The following C8orf34 variants were observed in gnomAD, a reference collection of about 807,000 sequenced individuals.
C8orf34 encodes the protein uncharacterized protein C8orf34.
Under a neutral mutation model 68.3 loss-of-function variants are expected in C8orf34, and 65 were observed. The ratio of observed to expected loss-of-function variants is 0.95; its 90% CI spans 0.78 to 1.17. The LOEUF is 1.17. C8orf34 is among the 50% of genes most tolerant of loss of function. The probability of loss-of-function intolerance (pLI) is 0.00; values close to 1 mark genes in which losing one functional copy is unlikely to be tolerated. For synonymous variants in C8orf34, 244 were observed against 241.2 expected (o/e 1.01, Z -0.11); for missense variants, 664 against 655.4 (o/e 1.01, Z -0.14).
chr8:68,448,243 G>A (rs968738448), intron 3 of C8orf34, among the ~76,000 whole-genome samples: 14 of 152,204 alleles, frequency 9.2e-5, no homozygotes, highest in African/African-American at 3.4e-4. Context: ...GTGGTCTGGA[G>A]TCTGAATATA....
At chr8:68,333,321 G>T (rs1805711397) in intron 1 of C8orf34, among the ~76,000 whole-genome samples, 1 of 152,138 alleles carries the variant, frequency 6.6e-6, no homozygotes, top group Non-Finnish European at 1.5e-5. Context: ...GCACCACCAT[G>T]CTTCGTATTT....
intron 7 of C8orf34, among the ~76,000 whole-genome samples, chr8:68,567,673 C>T (rs1816636645): frequency 7.7e-6 from 1 of 129,050 alleles, no homozygotes; most frequent in South Asian, 2.7e-4. Context: ...CGGCTCACTG[C>T]AAATTCCGCC....
At chr8:68,508,446 A>G (rs1436787019) in intron 5 of C8orf34, among the ~76,000 whole-genome samples, 1 of 152,108 alleles carries the variant, frequency 6.6e-6, no homozygotes, top group Non-Finnish European at 1.5e-5. Flanking sequence ...ATTAGTCAAC[A>G]CTCTACTTCT....
chr8:68,374,049 A>C (rs1387299673), intron 1 of C8orf34, among the ~76,000 whole-genome samples: 2 of 152,130 alleles, frequency 1.3e-5, no homozygotes, highest in African/African-American at 2.4e-5. Flanking sequence ...TTGAATAGCT[A>C]GTACTACAGG....
intron 7 of C8orf34, among the ~76,000 whole-genome samples, chr8:68,586,226 A>G (rs1381762028): frequency 6.6e-6 from 1 of 152,150 alleles, no homozygotes; most frequent in Non-Finnish European, 1.5e-5. Flanking sequence ...TTAACAACTT[A>G]TCTACATCTT....
intron 8 of C8orf34, among the ~76,000 whole-genome samples, chr8:68,647,204 A>G (rs1819202321): frequency 6.6e-6 from 1 of 152,230 alleles, no homozygotes; most frequent in East Asian, 1.9e-4. Flanking sequence ...GCTAGTCATC[A>G]CTAATCATCA....
intron 1 of C8orf34, among the ~76,000 whole-genome samples, chr8:68,414,996 C>T (rs947891034): frequency 8.6e-5 from 13 of 152,012 alleles, no homozygotes; most frequent in African/African-American, 2.7e-4. Flanking sequence ...ATGTCTTCTC[C>T]CTGGGAAACT....
intron 8 of C8orf34, among the ~76,000 whole-genome samples, chr8:68,669,378 C>A (rs1819939550): frequency 1.3e-5 from 2 of 152,084 alleles, no homozygotes; most frequent in Non-Finnish European, 1.5e-5. Flanking sequence ...GATCCTTTAG[C>A]AAGAACAAAA....
chr8:68,628,326 G>A lies in C8orf34; in HGVS notation c.1106-12050G>A, dbSNP rs1818595849. Among the ~76,000 whole-genome samples the A allele has an allele frequency of 2.0e-5, 3 of 152,246 alleles. No homozygotes were observed. In the South Asian group the frequency reaches 6.2e-4, roughly 32 times the overall value. ...AATGCTGAATTCATATTTAAGGTAT[G>A]AGTGTAAAAATAGAGAACCAACAGA... On this transcript the variant is annotated intron_variant, in intron 7 of 13. Transcript: ENST00000518698.
intron 5 of C8orf34, among the ~76,000 whole-genome samples, chr8:68,508,730 G>C (rs1410665677): frequency 1.3e-5 from 2 of 152,154 alleles, no homozygotes; most frequent in Admixed American, 1.3e-4. Context: ...ACAAGCATAG[G>C]TGTGTCTTTC....
rs1010057144 is a variant in C8orf34 at position 68,391,937 on chromosome 8, C to T, written c.328-47562C>T. Among the ~76,000 whole-genome samples, 3 of 152,032 alleles carry T rather than the reference C, an allele frequency of 2.0e-5. No homozygotes were observed. The East Asian group carries it at 5.8e-4, about 29-fold the overall frequency. Reference sequence around the variant, plus strand: ...GGGAAAATGCAATTCCACCACATGCCCAGAAAGAGGACCATTAGGAAAACC... The same window carrying T: ...GGGAAAATGCAATTCCACCACATGCTCAGAAAGAGGACCATTAGGAAAACC... On this transcript the variant is annotated intron_variant, in intron 1 of 13. Transcript: ENST00000518698.
intron 1 of C8orf34, among the ~76,000 whole-genome samples, chr8:68,425,052 C>CA (rs968101269): frequency 5.3e-5 from 8 of 151,996 alleles, no homozygotes; most frequent in Admixed American, 2.0e-4. Context: ...TTAATTGATG[C>CA]AAAAATAAAA....
At chr8:68,603,514 T>C (rs1211490224) in intron 7 of C8orf34, among the ~76,000 whole-genome samples, 1 of 115,780 alleles carries the variant, frequency 8.6e-6, no homozygotes, top group African/African-American at 4.5e-5. Context: ...TATATGTATA[T>C]ATACATATAT....
rs61454415 is a variant in C8orf34 at position 68,595,579 on chromosome 8, A to G, written c.1106-44797A>G. 2.4e-3 allele frequency among the ~76,000 whole-genome samples: 366 copies of G among 152,030 alleles called. 2 individuals are homozygous for G. Among genetic ancestry groups the G allele is most frequent in the African/African-American group, 8.1e-3 (338 of 41,492 alleles). ...GGGGGGAATTTCTTTCTTTTAATCC[A>G]TTCTTTAGATATTCCCCTGATAAAT... On this transcript the variant is annotated intron_variant, in intron 7 of 13. Transcript: ENST00000518698.
intron 1 of C8orf34, among the ~76,000 whole-genome samples, chr8:68,398,334 A>G (rs1231988335): frequency 1.3e-5 from 2 of 152,298 alleles, no homozygotes; most frequent in East Asian, 3.9e-4. Flanking sequence ...CTTACACTTG[A>G]ACCTGTGATT....
intron 1 of C8orf34, among the ~76,000 whole-genome samples, chr8:68,420,014 G>T (rs938906918): frequency 3.4e-5 from 5 of 145,142 alleles, no homozygotes; most frequent in African/African-American, 1.0e-4. Context: ...AAAAAAAAAA[G>T]AAAAGAAATT....
chr8:68,709,202 A>G (rs1374911923), intron 9 of C8orf34, 123 bp downstream of exon 9: 3 of 710,968 alleles, frequency 4.2e-6, no homozygotes, highest in South Asian at 1.7e-5. Flanking sequence ...TGCACGTCAC[A>G]TATCTACCGC....
rs1330860630 is a variant in C8orf34 at position 68,722,522 on chromosome 8, A to G, written c.1404+1085A>G. ...TCCAATGAACTTCATAATAAAATTA[A>G]TTTTTAAAATTACTGACAAAATCAA... On this transcript the variant is annotated intron_variant, in intron 10 of 13. Transcript: ENST00000518698. 3.3e-5 allele frequency among the ~76,000 whole-genome samples: 5 copies of G among 152,118 alleles called. No individual in the cohort carries two copies. The East Asian group carries it at 9.6e-4, about 29-fold the overall frequency.
intron 4 of C8orf34, among the ~76,000 whole-genome samples, chr8:68,478,986 T>C (rs13282706): frequency 6.6e-6 from 1 of 152,328 alleles, no homozygotes; most frequent in East Asian, 1.9e-4. Context: ...TCATTAGTTG[T>C]CTGTGACTGG....
Sources: gnomAD v4.1 joint callset for allele counts (sites outside exome capture counted in the v4.1 genomes callset) on GRCh38, gnomAD v4.1.1 for gene constraint, MANE v1.5 for transcripts, NCBI Gene and HGNC (gene_info 2026-07-23, HGNC 2026-07-21) for gene names.